The following YES1 variants were observed in gnomAD, a reference collection of about 807,000 sequenced individuals.
YES1 encodes the protein YES proto-oncogene 1, Src family tyrosine kinase.
YES1 carries 39 observed loss-of-function variants against 70.4 expected under a neutral mutation model. That is an observed-to-expected ratio of 0.55 (90% CI 0.43 to 0.72). The LOEUF is 0.72. Ranked by LOEUF, YES1 falls within the 30% of genes least tolerant of loss-of-function variation. YES1 has a pLI of 0.00. For synonymous variants in YES1, 198 were observed against 218.6 expected (o/e 0.91, Z 0.83); for missense variants, 495 against 644.8 (o/e 0.77, Z 2.52).
At chr18:797,999 C>A (rs1353347642) in intron 1 of YES1, 1 of 152,122 alleles carries the variant, frequency 6.6e-6, no homozygotes, top group Non-Finnish European at 1.5e-5. Context: ...CAGGGGAAAG[C>A]ACGAACACAG....
chr18:793,302 G>A (rs1233690369), intron 1 of YES1, among the ~76,000 whole-genome samples: 1 of 152,090 alleles, frequency 6.6e-6, no homozygotes, highest in East Asian at 1.9e-4. Context: ...GCCTCCCAAA[G>A]TGCTGGGATT....
intron 1 of YES1, among the ~76,000 whole-genome samples, chr18:798,767 A>T (rs1906669752): frequency 1.3e-5 from 2 of 152,198 alleles, no homozygotes; most frequent in Non-Finnish European, 2.9e-5. Flanking sequence ...TTCAGGGGGT[A>T]CACTGTCCAT....
At position 722,958 on chromosome 18, in the gene YES1, G is replaced by C. The variant is rs558600964; in HGVS notation, c.*1466C>G. On this transcript the variant is annotated 3_prime_UTR_variant, in exon 12 of 12. Transcript: ENST00000314574. ...ATACAAAAAACTAGCCAGGCGTGGT[G>C]GTGGGCACCTGTAGTCCCAGCTACT... 6.6e-6 allele frequency: 1 copy of C among 152,258 alleles called. No homozygotes were observed. Among genetic ancestry groups the C allele is most frequent in the African/African-American group, 2.4e-5 (1 of 41,428 alleles). The allele number at this position is 152,258 out of a possible 1,614,324, so 9.4% of individuals were successfully genotyped here. A position where few individuals can be genotyped will look rare whatever the true frequency, so the allele number is the denominator to read the frequency against.
chr18:795,765 G>A (rs1301408782), intron 1 of YES1, among the ~76,000 whole-genome samples: 2 of 151,422 alleles, frequency 1.3e-5, no homozygotes, highest in East Asian at 1.9e-4. Flanking sequence ...GGGGGTGGGG[G>A]GAAGGGGAGG....
chr18:780,104 C>T (rs893078146), intron 1 of YES1, among the ~76,000 whole-genome samples: 4 of 151,806 alleles, frequency 2.6e-5, no homozygotes, highest in African/African-American at 4.8e-5. Flanking sequence ...CGCTGTGGCA[C>T]GCACCTGCTA....
intron 1 of YES1, chr18:774,999 T>TA (rs928647484): frequency 6.6e-6 from 1 of 152,186 alleles, no homozygotes; most frequent in African/African-American, 2.4e-5. Context: ...GCAGAACAGT[T>TA]AAGAGCATAG....
intron 1 of YES1, chr18:798,125 C>G: frequency 6.6e-6 from 1 of 152,172 alleles, no homozygotes; most frequent in Non-Finnish European, 1.5e-5. Flanking sequence ...TCTCCCCAGC[C>G]AGATAAGTGT....
At chr18:740,644 C>T (rs2080206748) in intron 8 of YES1, among the ~76,000 whole-genome samples, 1 of 152,040 alleles carries the variant, frequency 6.6e-6, no homozygotes, top group African/African-American at 2.4e-5. Context: ...TGAGTTTGGA[C>T]AGATTATAAA....
Position 743,316 on chromosome 18 carries a change from T to A in YES1, c.824A>T (p.Glu275Val), listed in dbSNP as rs1369386784. 7 of 1,612,258 alleles carry A rather than the reference T, an allele frequency of 4.3e-6. No homozygotes were observed. In the South Asian group the frequency reaches 7.7e-5, roughly 18 times the overall value. Residue 275 changes from glutamate to valine, a missense_variant, in exon 7 of 12, where the codon GAA becomes GTA. By Grantham distance (121) the Glu-to-Val change is moderately radical. Transcript: ENST00000314574. ...LAKDAWEIPRESLRLEVKLGQ... is the reference protein window; with the variant it reads ...LAKDAWEIPRVSLRLEVKLGQ... The stretch of plus-strand genomic sequence containing the variant: ...TAGTTTAACCTCTAGTCGCAAAGAT[T>A]CTCGAGGGATTTCCCAAGCATCTTT...
intron 1 of YES1, among the ~76,000 whole-genome samples, chr18:801,362 A>G (rs991874162): frequency 1.3e-5 from 2 of 152,094 alleles, no homozygotes; most frequent in African/African-American, 4.8e-5. Flanking sequence ...ACAAACTAGT[A>G]TAGAAGACTA....
chr18:791,593 A>T (rs537985120), intron 1 of YES1, among the ~76,000 whole-genome samples: 1 of 152,360 alleles, frequency 6.6e-6, no homozygotes, highest in South Asian at 2.1e-4. Flanking sequence ...CCACAAATAC[A>T]AACCACATAT....
chr18:775,682 AGACACTT>A (rs1905343660), intron 1 of YES1, among the ~76,000 whole-genome samples: 1 of 152,154 alleles, frequency 6.6e-6, no homozygotes, highest in Non-Finnish European at 1.5e-5. Flanking sequence ...CTGTAGTCCC[AGACACTT>A]GGGAGGCTGA....
intron 11 of YES1, among the ~76,000 whole-genome samples, chr18:727,950 A>G (rs953004091): frequency 1.3e-5 from 2 of 152,164 alleles, no homozygotes; most frequent in African/African-American, 4.8e-5. Flanking sequence ...TGGGACCAGA[A>G]GTGTTTCCGA....
At chr18:805,417 C>T (rs1253528184) in intron 1 of YES1, among the ~76,000 whole-genome samples, 9 of 152,176 alleles carry the variant, frequency 5.9e-5, no homozygotes, top group Non-Finnish European at 1.3e-4. Context: ...ACAGGATCAC[C>T]ATCATTGAAA....
intron 1 of YES1, among the ~76,000 whole-genome samples, chr18:773,347 G>A (rs1030059908): frequency 7.2e-5 from 11 of 152,124 alleles, no homozygotes; most frequent in African/African-American, 2.7e-4. Flanking sequence ...CCTGGATAAC[G>A]GGCAAGAGAA....
chr18:788,120 C>T (rs1456655354), intron 1 of YES1: 3 of 152,098 alleles, frequency 2.0e-5, no homozygotes, highest in Admixed American at 2.0e-4. Flanking sequence ...ATGAACTTGC[C>T]TCCTTTGGCT....
intron 1 of YES1, among the ~76,000 whole-genome samples, chr18:792,618 T>C (rs114578330): frequency 0.011 from 1,712 of 151,774 alleles, 41 homozygotes; most frequent in African/African-American, 0.039. Flanking sequence ...TACATACATA[T>C]ATATACGCAC....
intron 11 of YES1, among the ~76,000 whole-genome samples, chr18:729,872 G>C (rs772151168): frequency 6.6e-6 from 1 of 152,012 alleles, no homozygotes; most frequent in Non-Finnish European, 1.5e-5. Context: ...TGATCCACCC[G>C]CCTTGGCTTC....
chr18:746,055 GA>G lies in YES1; in HGVS notation c.471-5del, dbSNP rs763095168. ...CCCCATTTTGCCAAAATACCATCTG[GA>G]AAAAAATTAAGTGTTTTGAATTGAA... On this transcript the variant is annotated splice_polypyrimidine_tract_variant and splice_region_variant and intron_variant, in intron 4 of 11. Coordinates refer to ENST00000314574, the MANE Select transcript of YES1 (RefSeq NM_005433.4). The G allele has an allele frequency of 1.4e-5, 23 of 1,604,780 alleles. No homozygotes were observed. Among genetic ancestry groups the G allele is most frequent in the Non-Finnish European group, 2.0e-5 (23 of 1,175,564 alleles).
Sources: allele counts gnomAD v4.1 joint callset (sites outside exome capture counted in the v4.1 genomes callset), GRCh38; gene constraint gnomAD v4.1.1; transcripts MANE v1.5; gene names NCBI Gene and HGNC (gene_info 2026-07-23, HGNC 2026-07-21).